Variants in TNFAIP3 observed in about 807,000 individuals in gnomAD.
TNFAIP3 encodes TNF alpha induced protein 3.
In TNFAIP3, 9 loss-of-function variants were observed where a neutral mutation model predicts 72.4. That is an observed-to-expected ratio of 0.12 (90% confidence interval 0.07 to 0.22). The LOEUF (loss-of-function observed/expected upper bound fraction) is 0.22, where lower values mean the gene tolerates loss of function less well. TNFAIP3 is among the 10% of genes least tolerant of loss of function. The pLI is 1.00. For synonymous variants in TNFAIP3, 339 were observed against 372.6 expected (o/e 0.91, Z 1.04); for missense variants, 833 against 1,018.7 (o/e 0.82, Z 2.48).
intron 2 of TNFAIP3, among the ~76,000 whole-genome samples, chr6:137,873,389 C>T (rs746524574): frequency 2.0e-5 from 3 of 152,148 alleles, no homozygotes; most frequent in Non-Finnish European, 2.9e-5. Flanking sequence ...AAAATTCCAG[C>T]GTCTATTGGC....
At position 137,871,568 on chromosome 6, in the gene TNFAIP3, C is replaced by T. The variant is rs780119012; in HGVS notation, c.295+46C>T. ...TTTCTTTTGCCTGGGTGATAGCTCC[C>T]GCCTGCTGGATCCCCATTCATGAAG... On this transcript the variant is annotated intron_variant, in intron 2 of 8. Transcript: ENST00000612899. This position sits in a 1 kb window ranked among gnomAD's most constrained non-coding sequence, Gnocchi z 4.2. The T allele has an allele frequency of 1.1e-5, 18 of 1,585,292 alleles. No homozygotes were observed. Among genetic ancestry groups the T allele is most frequent in the East Asian group, 6.7e-5 (3 of 44,590 alleles).
chr6:137,879,942 AT>A, intron 7 of TNFAIP3, 128 bp from the exon 8 acceptor site: 1 of 675,120 alleles, frequency 1.5e-6, no homozygotes, highest in Non-Finnish European at 2.5e-6. Context: ...ACATATACAT[AT>A]ATATATTTCT....
chr6:137,877,069 TCC>T lies in TNFAIP3; in HGVS notation c.806-6_806-5del. ...CTGTTTTACTTATGTATTATTTTTT[TCC>T]TTAGAAATCCGAGCTGTTCCACTTG... On this transcript the variant is annotated splice_polypyrimidine_tract_variant and splice_region_variant and intron_variant, in intron 5 of 8. Transcript: ENST00000612899. The T allele has an allele frequency of 6.3e-7, 1 of 1,579,118 alleles. No homozygotes were observed. Among genetic ancestry groups the T allele is most frequent in the Non-Finnish European group, 8.6e-7 (1 of 1,162,370 alleles).
upstream of TNFAIP3, chr6:137,866,924 C>G (rs1328039251): frequency 2.0e-5 from 3 of 152,400 alleles, no homozygotes; most frequent in Non-Finnish European, 4.4e-5. Flanking sequence ...TTCCCATCAC[C>G]GCGATTTCCA....
chr6:137,874,076 C>A (rs1204154613), intron 2 of TNFAIP3, among the ~76,000 whole-genome samples: 1 of 152,182 alleles, frequency 6.6e-6, no homozygotes, highest in Non-Finnish European at 1.5e-5. Context: ...AGATTAATGG[C>A]ATACAATTAA....
At chr6:137,869,290 T>C (rs768879477) in intron 1 of TNFAIP3, among the ~76,000 whole-genome samples, 14 of 151,948 alleles carry the variant, frequency 9.2e-5, no homozygotes, top group Non-Finnish European at 1.9e-4. Context: ...TGGCCTTCAG[T>C]AGGTGGTCAG....
In TNFAIP3 at chr6:137,871,636, A is replaced by G. The variant is rs1486836215; in HGVS notation, c.295+114A>G. ...CAAACTCAAATCAATCTTGAGATTT[A>G]GTATTGAGACCTTTATATAGAATCT... On this transcript the variant is annotated intron_variant, in intron 2 of 8. Transcript: ENST00000612899. This position sits in a 1 kb window ranked among gnomAD's most constrained non-coding sequence, Gnocchi z 4.2. 2 of 1,164,214 alleles carry G rather than the reference A, an allele frequency of 1.7e-6. No individual in the cohort carries two copies. The highest frequency in any genetic ancestry group is 4.7e-5 in the Admixed American group (2 of 42,946). The allele number at this position is 1,164,214 out of a possible 1,614,324, so 72.1% of individuals were successfully genotyped here.
At chr6:137,877,832 A>G (rs1199110835) in intron 6 of TNFAIP3, among the ~76,000 whole-genome samples, 6 of 152,230 alleles carry the variant, frequency 3.9e-5, no homozygotes, top group African/African-American at 1.4e-4. Flanking sequence ...CGCACAACAG[A>G]TGACAAGGAA....
At chr6:137,866,750 C>A (rs1400977715), upstream of TNFAIP3, 1 of 152,502 alleles carries the variant, frequency 6.6e-6, no homozygotes, top group Non-Finnish European at 1.5e-5. Context: ...ACGCGCTCAT[C>A]ACGTGCACAG....
chr6:137,878,568 C>A lies in TNFAIP3; in HGVS notation c.1123C>A (p.Pro375Thr). ...GGGGCACGCCCAGAATCCCATGGAA[C>A]CTTCCGTGCCCCAGCTTTCTCTCAT... ...REGHAQNPMEPSVPQLSLMDV... is the reference protein window; with the variant it reads ...REGHAQNPMETSVPQLSLMDV... The change falls in exon 7 of 9, where the codon CCT (proline) becomes ACT (threonine). Residue 375 changes from proline (P) to threonine (T), a missense_variant. Pro to Thr is a conservative substitution (Grantham distance 38, BLOSUM62 -1). This residue lies in a region of TNFAIP3 where 587 missense variants were observed against 657.8 expected (regional missense o/e 0.89). Transcript: ENST00000612899. The A allele has an allele frequency of 4.3e-6, 7 of 1,614,246 alleles. No homozygotes were observed. The highest frequency in any genetic ancestry group is 5.9e-6 in the Non-Finnish European group (7 of 1,180,040).
upstream of TNFAIP3, chr6:137,867,201 C>G (rs976242034): frequency 7.2e-5 from 11 of 152,218 alleles, no homozygotes; most frequent in Admixed American, 3.9e-4. The surrounding 1 kb of genome is among the most constrained non-coding windows in gnomAD (Gnocchi z 6.0). Flanking sequence ...TGGAAAGTCC[C>G]GTGGAAATCC....
Position 137,875,039 on chromosome 6 carries a change from G to C in TNFAIP3, c.486+4G>C. ...GGGGCTTTGCTATGATACTCGGGTA[G>C]GTTTTTCCCCCTAATTATCTACTAA... On this transcript the variant is annotated splice_donor_region_variant and intron_variant, in intron 3 of 8. Transcript: ENST00000612899. The C allele has an allele frequency of 6.2e-7, 1 of 1,613,978 alleles. No individual in the cohort carries two copies.
rs140424499 is a variant in TNFAIP3, at chr6:137,875,014, G to A, written c.465G>A (p.Thr155=). 709 of 1,614,168 alleles carry A rather than the reference G, an allele frequency of 4.4e-4. 1 individual carries two copies. The highest frequency in any genetic ancestry group is 1.3e-3 in the Middle Eastern group (8 of 6,062). The change falls in exon 3 of 9, where the codon ACG becomes ACA. Residue 155 remains threonine (T), a synonymous_variant. Coordinates refer to ENST00000612899, the MANE Select transcript of TNFAIP3 (RefSeq NM_001270508.2). ...TCAAATCTCAGGAATTTGTTGAAAC[G>A]GGGCTTTGCTATGATACTCGGGTAG... The part of the protein sequence containing the change: ...ESLKSQEFVE[T]GLCYDTRNWN...
At chr6:137,876,903 T>A (rs1400638103) in intron 5 of TNFAIP3, among the ~76,000 whole-genome samples, 173 bp from the exon 6 acceptor site, 15 of 152,200 alleles carry the variant, frequency 9.9e-5, no homozygotes, top group Admixed American at 9.8e-4. Context: ...AAACAGTGCA[T>A]TTTTATATTA....
Position 137,882,098 on chromosome 6 carries a change from G to T in TNFAIP3, c.*779G>T, listed in dbSNP as rs1009878156. On this transcript the variant is annotated 3_prime_UTR_variant, in exon 9 of 9. Transcript: ENST00000612899. Reference sequence around the variant, plus strand: ...TTAGCTTGAACTGAGGAGTAAAAGTGTGTACATATATAATATACCCTTACA... The same window carrying T: ...TTAGCTTGAACTGAGGAGTAAAAGTTTGTACATATATAATATACCCTTACA... The T allele has an allele frequency of 4.3e-6, 1 of 231,374 alleles. No individual in the cohort carries two copies. Among genetic ancestry groups the T allele is most frequent in the Admixed American group, 5.6e-5 (1 of 17,738 alleles). 14.3% of individuals were successfully genotyped at this position (231,374 alleles called of 1,614,324 possible).
In TNFAIP3 at chr6:137,882,968, A is replaced by G. The variant is rs996415915; in HGVS notation, c.*1649A>G. 7 of 224,820 alleles carry G rather than the reference A, an allele frequency of 3.1e-5. No individual in the cohort carries two copies. The highest frequency in any genetic ancestry group is 5.7e-5 in the Admixed American group (1 of 17,504). The allele number at this position is 224,820 out of a possible 1,614,324, so 13.9% of individuals were successfully genotyped here. A position where few individuals can be genotyped will look rare whatever the true frequency, so the allele number is the denominator to read the frequency against. ...GAAAATATTTGTGATCCATAACTCT[A>G]CACAGCCTTTACTCATACTATTAGG... On this transcript the variant is annotated 3_prime_UTR_variant, in exon 9 of 9. Transcript: ENST00000612899.
rs1464513394 is a variant in TNFAIP3 at position 137,881,524 on chromosome 6, A to G, written c.*205A>G. 10 of 478,786 alleles carry G rather than the reference A, an allele frequency of 2.1e-5. No individual in the cohort carries two copies. In the East Asian group the frequency reaches 3.3e-4, roughly 16 times the overall value. 29.7% of individuals were successfully genotyped at this position (478,786 alleles called of 1,614,324 possible). On this transcript the variant is annotated 3_prime_UTR_variant, in exon 9 of 9. Coordinates refer to ENST00000612899, the MANE Select transcript of TNFAIP3 (RefSeq NM_001270508.2). The surrounding 1 kb of genome is among the most constrained non-coding windows in gnomAD (Gnocchi z 5.0). Reference sequence around the variant, plus strand: ...GTTCCCAGGTGGCCTTAGAAAGCAAAGCTTGTAACTGGCAAGGGATGATGT... The same window carrying G: ...GTTCCCAGGTGGCCTTAGAAAGCAAGGCTTGTAACTGGCAAGGGATGATGT...
At chr6:137,868,329 T>C (rs1014634296) in intron 1 of TNFAIP3, 2 of 152,418 alleles carry the variant, frequency 1.3e-5, no homozygotes, top group Non-Finnish European at 2.9e-5. Flanking sequence ...GCCAGTCTGG[T>C]CAAGTGTCTC....
At position 137,880,180 on chromosome 6, in the gene TNFAIP3, A is replaced by T. The variant is rs777054439; in HGVS notation, c.2016A>T (p.Gly672=). The stretch of plus-strand genomic sequence containing the variant: ...CCCTTGGAAGCACCATGTTTGAAGG[A>T]TACTGCCAGAAGTGTTTCATTGAAG... The part of the protein sequence containing the change: ...CGTLGSTMFE[G]YCQKCFIEAQ... Residue 672 remains glycine (G), a synonymous_variant, in exon 8 of 9, where the codon GGA becomes GGT. Transcript: ENST00000612899. 12 of 1,614,140 alleles carry T rather than the reference A, an allele frequency of 7.4e-6. No individual in the cohort carries two copies. Among genetic ancestry groups the T allele is most frequent in the Non-Finnish European group, 9.3e-6 (11 of 1,180,012 alleles).
Sources: allele counts gnomAD v4.1 joint callset (sites outside exome capture counted in the v4.1 genomes callset), GRCh38; gene constraint gnomAD v4.1.1; regional missense constraint gnomAD v4.1.1; non-coding constraint Gnocchi (gnomAD v3.1); transcripts MANE v1.5; gene names NCBI Gene and HGNC (gene_info 2026-07-23, HGNC 2026-07-21).